Variants in CYP3A5 observed in about 807,000 individuals in gnomAD.
CYP3A5 encodes the protein cytochrome P450 3A5.
In CYP3A5, 51 loss-of-function variants were observed where a neutral mutation model predicts 55.9. That is an observed-to-expected ratio of 0.91 (90% CI 0.73 to 1.15). CYP3A5 has a LOEUF of 1.15. Among genes scored for constraint, CYP3A5 ranks in the 50% most tolerant of loss-of-function variants. The pLI, the probability that CYP3A5 is intolerant of heterozygous loss-of-function variation, is 0.00. For missense variants in CYP3A5, 533 were observed against 596.6 expected (o/e 0.89, Z 1.11); for synonymous variants, 196 against 213.9 (o/e 0.92, Z 0.73).
In CYP3A5 at chr7:99,674,572, A is replaced by C. The variant is rs1368152429; in HGVS notation, c.179T>G (p.Phe60Cys). ...ATACTTTTTATAGCACTCTGTGTCA[A>C]ATTTCCAGAGACCCTGGGAGAGGAA... ...VLSYRQGLWK[F>C]DTECYKKYGK... Residue 60 changes from phenylalanine to cysteine, a missense_variant, in exon 3 of 13, where the codon TTT becomes TGT. By Grantham distance (205) the Phe-to-Cys change is radical. Coordinates refer to ENST00000222982, the MANE Select transcript of CYP3A5 (RefSeq NM_000777.5). 1.2e-6 allele frequency: 2 copies of C among 1,613,656 alleles called. No individual in the cohort carries two copies. The highest frequency in any genetic ancestry group is 1.7e-6 in the Non-Finnish European group (2 of 1,179,686).
intron 4 of CYP3A5, among the ~76,000 whole-genome samples, chr7:99,670,144 G>A (rs1383487557): frequency 6.6e-6 from 1 of 152,190 alleles, no homozygotes; most frequent in Non-Finnish European, 1.5e-5. Context: ...AAGGCAAAAT[G>A]TAAAGATTTT....
chr7:99,658,042 C>T (rs1809959105), intron 10 of CYP3A5, among the ~76,000 whole-genome samples: 1 of 152,074 alleles, frequency 6.6e-6, no homozygotes, highest in Non-Finnish European at 1.5e-5. Context: ...TCCAGTTTGC[C>T]AGTCTGTGTC....
chr7:99,671,396 G>A (rs1360982942), intron 4 of CYP3A5: 1 of 163,296 alleles, frequency 6.1e-6, no homozygotes, highest in African/African-American at 2.4e-5. Context: ...AAGAGTTACT[G>A]TACAGCTACT....
At chr7:99,651,518 A>G (rs1263523501) in intron 11 of CYP3A5, among the ~76,000 whole-genome samples, 7 of 152,150 alleles carry the variant, frequency 4.6e-5, no homozygotes, top group Non-Finnish European at 7.3e-5. Flanking sequence ...TCCAGAAAAC[A>G]GAGAACTTGG....
At chr7:99,656,373 T>C (rs1284540820) in intron 10 of CYP3A5, among the ~76,000 whole-genome samples, 1 of 152,224 alleles carries the variant, frequency 6.6e-6, no homozygotes, top group Non-Finnish European at 1.5e-5. Context: ...GTTTATATGC[T>C]GGATTATGTT....
rs141469784 is a variant in CYP3A5, at chr7:99,650,140, A to T, written c.1346T>A (p.Met449Lys). The T allele has an allele frequency of 6.2e-7, 1 of 1,614,196 alleles. No individual in the cohort carries two copies. Among genetic ancestry groups the T allele is most frequent in the Non-Finnish European group, 8.5e-7 (1 of 1,180,010 alleles). The change falls in exon 12 of 13, where the codon ATG (methionine) becomes AAG (lysine). Residue 449 changes from methionine to lysine, a missense_variant. Met to Lys is a moderately conservative substitution (Grantham distance 95, BLOSUM62 -1). Coordinates refer to ENST00000222982, the MANE Select transcript of CYP3A5 (RefSeq NM_000777.5). Reference sequence around the variant, plus strand: ...TCTGATTAGAGCAAGTTTCATGTTCATGAGAGCAAACCTCATGCCAATGCA... The same window carrying T: ...TCTGATTAGAGCAAGTTTCATGTTCTTGAGAGCAAACCTCATGCCAATGCA... ...RNCIGMRFAL[M>K]NMKLALIRVL...
At position 99,652,733 on chromosome 7, in the gene CYP3A5, A is replaced by T; in HGVS notation, c.1073T>A (p.Met358Lys). The change falls in exon 11 of 13, where the codon ATG becomes AAG. Residue 358 changes from methionine (M) to lysine (K), a missense_variant. Transcript: ENST00000222982. ...DAVVQMEYLD[M>K]VVNETLRLFP... ...TAATCTGAGTGTTTCATTCACCACC[A>T]TGTCAAGGTACTCCATCTGTACCAC... The T allele has an allele frequency of 6.2e-7, 1 of 1,614,106 alleles. No homozygotes were observed. The highest frequency in any genetic ancestry group is 8.5e-7 in the Non-Finnish European group (1 of 1,179,996).
At position 99,648,312 on chromosome 7, in the gene CYP3A5, C is replaced by T. The variant is rs765039051; in HGVS notation, c.1502G>A (p.Gly501Glu). ...AGAAATCCTTAGAATAACTCATTCTCCACTTAGGGTTCCATCTCTTGAATC... is the reference window on the plus strand; with the variant it reads ...AGAAATCCTTAGAATAACTCATTCTTCACTTAGGGTTCCATCTCTTGAATC... ...KVDSRDGTLS[G>E]E The change falls in exon 13 of 13, where the codon GGA becomes GAA. Residue 501 changes from glycine (G) to glutamate (E), a missense_variant. Transcript: ENST00000222982. The T allele has an allele frequency of 1.9e-6, 3 of 1,612,490 alleles. No individual in the cohort carries two copies. The highest frequency in any genetic ancestry group is 2.5e-6 in the Non-Finnish European group (3 of 1,179,022).
intron 4 of CYP3A5, chr7:99,671,488 A>G (rs1811628117): frequency 3.8e-6 from 1 of 265,272 alleles, no homozygotes; most frequent in Admixed American, 5.1e-5. Context: ...AGTTTTGACA[A>G]TATGCCTACC....
intron 11 of CYP3A5, among the ~76,000 whole-genome samples, chr7:99,650,810 C>T (rs1157652095): frequency 6.6e-6 from 1 of 151,986 alleles, no homozygotes; most frequent in Non-Finnish European, 1.5e-5. Flanking sequence ...TCTTTCTCCC[C>T]CACACCCTTA....
rs1809428112 is a variant in CYP3A5, at chr7:99,653,862, A to G, written c.1027-1083T>C. Among the ~76,000 whole-genome samples the G allele has an allele frequency of 6.6e-6, 1 of 152,198 alleles. No homozygotes were observed. ...GTAGAGGGTTAGAGTTTAGCTCAGG[A>G]GTCAGATACCCTGGTTCCTAGCTTG... On this transcript the variant is annotated intron_variant, in intron 10 of 12. Transcript: ENST00000222982. This position sits in a 1 kb window ranked among gnomAD's most constrained non-coding sequence, Gnocchi z 4.2.
At chr7:99,649,922 C>T in intron 12 of CYP3A5, 151 bp downstream of exon 12, 1 of 988,020 alleles carries the variant, frequency 1.0e-6, no homozygotes, top group South Asian at 1.7e-5. Flanking sequence ...AAGTCCAGAA[C>T]TGAAGCATCC....
rs1241507994 is a variant in CYP3A5, at chr7:99,663,991, T to C, written c.775A>G (p.Ser259Gly). 3.1e-6 allele frequency: 5 copies of C among 1,591,232 alleles called. No homozygotes were observed. The East Asian group carries it at 1.1e-4, about 36-fold the overall frequency. Reference sequence around the variant, plus strand: ...ACCTTTTGTTTGTCGTTGAGGCGACTTTTCTTCATTCTGTTTACAGATTTA... The same window carrying C: ...ACCTTTTGTTTGTCGTTGAGGCGACCTTTCTTCATTCTGTTTACAGATTTA... Reference protein sequence around the residue: ...LSKSVNRMKKSRLNDKQKHRL... With the variant: ...LSKSVNRMKKGRLNDKQKHRL... Residue 259 changes from serine (S) to glycine (G), a missense_variant, in exon 8 of 13, where the codon AGT becomes GGT. Transcript: ENST00000222982.
chr7:99,669,004 A>C (rs1811313970), intron 4 of CYP3A5, among the ~76,000 whole-genome samples: 1 of 152,226 alleles, frequency 6.6e-6, no homozygotes, highest in African/African-American at 2.4e-5. Flanking sequence ...TTGATTATTA[A>C]ACCTTGCTTT....
At chr7:99,655,986 C>T (rs369292623) in intron 10 of CYP3A5, among the ~76,000 whole-genome samples, 6 of 152,156 alleles carry the variant, frequency 3.9e-5, no homozygotes, top group Non-Finnish European at 7.3e-5. Flanking sequence ...TGGGCTGAGA[C>T]GATGGGGTTT....
chr7:99,661,892 A>G (rs1412315170), intron 9 of CYP3A5, among the ~76,000 whole-genome samples: 1 of 152,230 alleles, frequency 6.6e-6, no homozygotes, highest in Non-Finnish European at 1.5e-5. Flanking sequence ...AATTTTATTC[A>G]ATTAAAAATA....
intron 1 of CYP3A5, among the ~76,000 whole-genome samples, chr7:99,676,742 G>A (rs1812325443): frequency 6.6e-6 from 1 of 152,192 alleles, no homozygotes; most frequent in African/African-American, 2.4e-5. Context: ...CTCTGACCCT[G>A]TTTTAGGATC....
chr7:99,649,022 C>T (rs1808895550), intron 12 of CYP3A5, among the ~76,000 whole-genome samples: 1 of 152,176 alleles, frequency 6.6e-6, no homozygotes, highest in Non-Finnish European at 1.5e-5. Context: ...GCACTATTGT[C>T]ACTGAGTCAC....
intron 1 of CYP3A5, among the ~76,000 whole-genome samples, chr7:99,676,758 CT>C (rs1167501741): frequency 3.3e-5 from 5 of 152,166 alleles, no homozygotes; most frequent in Non-Finnish European, 1.5e-5. Context: ...GGATCTAGCC[CT>C]TCTTAAACGT....
Sources: allele counts gnomAD v4.1 joint callset (sites outside exome capture counted in the v4.1 genomes callset), GRCh38; gene constraint gnomAD v4.1.1; non-coding constraint Gnocchi (gnomAD v3.1); transcripts MANE v1.5; gene names NCBI Gene and HGNC (gene_info 2026-07-23, HGNC 2026-07-21).